Variants in PRKCE observed in about 807,000 individuals in gnomAD.
PRKCE encodes the protein protein kinase C epsilon.
In PRKCE, 16 loss-of-function variants were observed where a neutral mutation model predicts 85.4. That is an observed-to-expected ratio of 0.19 (90% CI 0.13 to 0.28). The LOEUF (loss-of-function observed/expected upper bound fraction) is 0.28. Among genes scored for constraint, PRKCE ranks in the 10% least tolerant of loss-of-function variants. PRKCE has a pLI of 1.00. For missense variants in PRKCE, 573 were observed against 975.2 expected, an observed-to-expected ratio of 0.59 and a Z score of 5.49; for synonymous variants, 388 against 371.5, an observed-to-expected ratio of 1.04 and a Z score of -0.51.
At chr2:45,666,060 A>T (rs149673255) in intron 1 of PRKCE, among the ~76,000 whole-genome samples, 1 of 152,260 alleles carries the variant, frequency 6.6e-6, no homozygotes, top group African/African-American at 2.4e-5. Context: ...TTAGCCTGCT[A>T]CAGGACCGCT....
At chr2:46,168,451 AC>A (rs986834997) in intron 14 of PRKCE, among the ~76,000 whole-genome samples, 2 of 152,210 alleles carry the variant, frequency 1.3e-5, no homozygotes, top group Non-Finnish European at 2.9e-5. Context: ...GGAAGAAAGA[AC>A]TATCTGCGAA....
intron 1 of PRKCE, among the ~76,000 whole-genome samples, chr2:45,784,139 G>A (rs187788898): frequency 1.0e-4 from 16 of 152,390 alleles, no homozygotes; most frequent in Non-Finnish European, 4.4e-5. Context: ...AAGAAAAGTA[G>A]CAATGCAAAG....
intron 1 of PRKCE, among the ~76,000 whole-genome samples, chr2:45,688,997 C>T (rs1677515203): frequency 6.6e-6 from 1 of 152,072 alleles, no homozygotes; most frequent in Non-Finnish European, 1.5e-5. Flanking sequence ...CTAATGTGGC[C>T]AGAACATAAG....
rs1042831455 is a variant in PRKCE, at chr2:46,186,893, G to A, written c.*2012G>A. ...AGGTGTAATTATTATCTGTTCTTAAGATAATTGCAAATATTAAATATTATG... is the reference window on the plus strand; with the variant it reads ...AGGTGTAATTATTATCTGTTCTTAAAATAATTGCAAATATTAAATATTATG... On this transcript the variant is annotated 3_prime_UTR_variant, in exon 15 of 15. Coordinates refer to ENST00000306156, the MANE Select transcript of PRKCE (RefSeq NM_005400.3). 6.6e-6 allele frequency: 1 copy of A among 152,518 alleles called. No individual in the cohort carries two copies. The highest frequency in any genetic ancestry group is 1.5e-5 in the Non-Finnish European group (1 of 68,034). The allele number at this position is 152,518 out of a possible 1,614,324, so 9.4% of individuals were successfully genotyped here.
At chr2:45,657,603 G>A (rs1675438054) in intron 1 of PRKCE, among the ~76,000 whole-genome samples, 1 of 152,238 alleles carries the variant, frequency 6.6e-6, no homozygotes, top group South Asian at 2.1e-4. Context: ...CCACGAGAAA[G>A]CTAGGTTTTC....
In PRKCE at chr2:46,009,911, CTGTAAT is replaced by C. The variant is rs578081515; in HGVS notation, c.1264-427_1264-422del. On this transcript the variant is annotated intron_variant, in intron 9 of 14. Transcript: ENST00000306156. The stretch of plus-strand genomic sequence containing the variant: ...TGTAACTGTAAAAATAGTTGGTGTA[CTGTAAT>C]TGTAAGTATGACAAACACATATAAA... 1.5e-3 allele frequency among the ~76,000 whole-genome samples: 224 copies of C among 152,324 alleles called. 2 individuals carry two copies. Among genetic ancestry groups the C allele is most frequent in the African/African-American group, 5.1e-3 (211 of 41,566 alleles).
intron 14 of PRKCE, among the ~76,000 whole-genome samples, chr2:46,180,111 G>A: frequency 6.6e-6 from 1 of 152,220 alleles, no homozygotes; most frequent in East Asian, 1.9e-4. Flanking sequence ...CCTCAGTGTG[G>A]TGAGTACTAA....
At chr2:46,183,560 G>C (rs933899401) in intron 14 of PRKCE, among the ~76,000 whole-genome samples, 1 of 152,142 alleles carries the variant, frequency 6.6e-6, no homozygotes, top group Non-Finnish European at 1.5e-5. Flanking sequence ...CTGTGGGGGA[G>C]AGGGGACCTG....
intron 2 of PRKCE, among the ~76,000 whole-genome samples, chr2:45,889,909 G>A (rs372385580): frequency 9.2e-5 from 14 of 152,282 alleles, no homozygotes; most frequent in South Asian, 4.1e-4. Context: ...CTACCCCTTC[G>A]CTCTTCTGTG....
chr2:45,744,147 G>C (rs1478723111), intron 1 of PRKCE, among the ~76,000 whole-genome samples: 2 of 152,130 alleles, frequency 1.3e-5, no homozygotes, highest in Admixed American at 1.3e-4. Flanking sequence ...TGTCAAATGG[G>C]AATAATAACA....
At chr2:45,873,266 G>A (rs192999729) in intron 2 of PRKCE, among the ~76,000 whole-genome samples, 1 of 152,206 alleles carries the variant, frequency 6.6e-6, no homozygotes, top group East Asian at 1.9e-4. Context: ...ACCAGAAACT[G>A]AGCAAAAGCA....
At chr2:45,998,881 T>G (rs746374475) in intron 6 of PRKCE, among the ~76,000 whole-genome samples, 7 of 152,210 alleles carry the variant, frequency 4.6e-5, no homozygotes, top group Non-Finnish European at 8.8e-5. Context: ...GAGTTTGCAG[T>G]ATGCATTTAC....
At chr2:46,161,303 A>T (rs1677735971) in intron 14 of PRKCE, among the ~76,000 whole-genome samples, 1 of 152,260 alleles carries the variant, frequency 6.6e-6, no homozygotes, top group Admixed American at 6.5e-5. Flanking sequence ...GGAGGAGGAG[A>T]AACTAAAGGC....
Position 46,155,729 on chromosome 2 carries a change from A to G in PRKCE, c.1921-3877A>G, listed in dbSNP as rs1677130347. ...AATGGGGTGCAATCCCTCTCTCCCC[A>G]TCACAGCTAGTCATCAAGTCCGTTC... On this transcript the variant is annotated intron_variant, in intron 13 of 14. Coordinates refer to ENST00000306156, the MANE Select transcript of PRKCE (RefSeq NM_005400.3). The surrounding 1 kb of genome is among the most constrained non-coding windows in gnomAD (Gnocchi z 4.7). Among the ~76,000 whole-genome samples, 1 of 152,030 alleles carries G rather than the reference A, an allele frequency of 6.6e-6. No homozygotes were observed. The highest frequency in any genetic ancestry group is 2.4e-5 in the African/African-American group (1 of 41,380).
chr2:46,125,981 A>G (rs1673808408), intron 11 of PRKCE, among the ~76,000 whole-genome samples: 1 of 152,256 alleles, frequency 6.6e-6, no homozygotes, highest in Non-Finnish European at 1.5e-5. Context: ...AGATGTAAGC[A>G]GCAGGCTTGG....
intron 1 of PRKCE, among the ~76,000 whole-genome samples, chr2:45,726,570 AC>A (rs1681090132): frequency 6.6e-6 from 1 of 152,230 alleles, no homozygotes; most frequent in Non-Finnish European, 1.5e-5. Flanking sequence ...CATCGTACAC[AC>A]AATAGACTAC....
intron 2 of PRKCE, among the ~76,000 whole-genome samples, chr2:45,925,808 C>T (rs995240298): frequency 3.3e-5 from 5 of 152,212 alleles, no homozygotes; most frequent in East Asian, 1.9e-4. Flanking sequence ...TTTCAATCAT[C>T]GTGGGCTGGG....
chr2:45,698,432 T>TG (rs1476602326), intron 1 of PRKCE, among the ~76,000 whole-genome samples: 1 of 152,048 alleles, frequency 6.6e-6, no homozygotes, highest in Non-Finnish European at 1.5e-5. Context: ...CCTGGCTCCC[T>TG]GGGGGTTGTG....
intron 1 of PRKCE, among the ~76,000 whole-genome samples, chr2:45,838,812 T>C (rs999072514): frequency 2.6e-5 from 4 of 152,128 alleles, no homozygotes; most frequent in African/African-American, 9.7e-5. Flanking sequence ...AACAACACTG[T>C]AAAGTCATCA....
Sources: allele counts gnomAD v4.1 joint callset (sites outside exome capture counted in the v4.1 genomes callset), GRCh38; gene constraint gnomAD v4.1.1; non-coding constraint Gnocchi (gnomAD v3.1); transcripts MANE v1.5; gene names NCBI Gene and HGNC (gene_info 2026-07-23, HGNC 2026-07-21).